GRID1: variants seen among roughly 807,000 people sequenced by gnomAD.
The protein encoded by GRID1 is glutamate receptor ionotropic, delta-1.
Under a neutral mutation model 98.0 loss-of-function variants are expected in GRID1, and 28 were observed. That is an observed-to-expected ratio of 0.29 (90% CI 0.21 to 0.39). The LOEUF (loss-of-function observed/expected upper bound fraction) is 0.39. Among genes scored for constraint, GRID1 ranks in the 10% least tolerant of loss-of-function variants. The probability of loss-of-function intolerance (pLI) is 1.00; values close to 1 mark genes in which losing one functional copy is unlikely to be tolerated. For synonymous variants in GRID1, 553 were observed against 538.5 expected, an observed-to-expected ratio of 1.03 and a Z score of -0.37; for missense variants, 1,111 against 1,340.5, an observed-to-expected ratio of 0.83 and a Z score of 2.67.
At chr10:86,201,423 C>T (rs890323862) in intron 3 of GRID1, among the ~76,000 whole-genome samples, 1 of 152,134 alleles carries the variant, frequency 6.6e-6, no homozygotes, top group Non-Finnish European at 1.5e-5. Context: ...CCAACTAACA[C>T]AGGAACAGAA....
chr10:86,067,276 G>A (rs1467235984), intron 4 of GRID1, among the ~76,000 whole-genome samples: 1 of 152,220 alleles, frequency 6.6e-6, no homozygotes, highest in Non-Finnish European at 1.5e-5. Flanking sequence ...TGGAGGGTTG[G>A]CCAATTAAAC....
chr10:85,886,726 A>G (rs1043844558), intron 5 of GRID1, among the ~76,000 whole-genome samples: 1 of 152,246 alleles, frequency 6.6e-6, no homozygotes, highest in Non-Finnish European at 1.5e-5. Flanking sequence ...AGCCACAAAT[A>G]AAATAGTAAG....
chr10:85,750,239 T>C (rs769442137), intron 8 of GRID1, among the ~76,000 whole-genome samples: 5 of 115,602 alleles, frequency 4.3e-5, no homozygotes, highest in African/African-American at 9.8e-5. Context: ...TACATGATCA[T>C]ACAGCGCTCT....
rs775963138 is a variant in GRID1 at position 85,613,628 on chromosome 10, T to C, written c.2380A>G (p.Thr794Ala). The part of the protein sequence containing the change: ...FSQRILELQD[T>A]GDLDVLKQKW... ...TGCTTCAGCACATCCAGGTCCCCTG[T>C]GTCCTGCAGCTCCAGGATCCTGTAA... is the stretch of plus-strand genomic sequence containing the variant. Residue 794 changes from threonine to alanine, a missense_variant, in exon 15 of 16, where the codon ACA becomes GCA. By Grantham distance (58) the Thr-to-Ala change is moderately conservative. Around this residue, in one of 3 missense-constraint regions of GRID1, gnomAD observed 762 missense variants for 869.1 expected, o/e 0.88. Transcript: ENST00000327946. 12 of 1,613,748 alleles carry C rather than the reference T, an allele frequency of 7.4e-6. No individual in the cohort carries two copies. The African/African-American group carries it at 1.6e-4, about 22-fold the overall frequency.
chr10:86,233,564 C>T lies in GRID1; in HGVS notation c.236-26916G>A, dbSNP rs77083918. Among the ~76,000 whole-genome samples the T allele has an allele frequency of 4.1e-3, 619 of 152,270 alleles. 3 individuals are homozygous for T. Among genetic ancestry groups the T allele is most frequent in the Middle Eastern group, 0.01 (3 of 294 alleles). On this transcript the variant is annotated intron_variant, in intron 2 of 15. Transcript: ENST00000327946. Reference sequence around the variant, plus strand: ...CGGAGGGGATGGCCCACTCCCCACCCTAGGGTAGCTCACAGCCAACATCAG... The same window carrying T: ...CGGAGGGGATGGCCCACTCCCCACCTTAGGGTAGCTCACAGCCAACATCAG...
chr10:86,220,932 T>C (rs1343337091), intron 2 of GRID1, among the ~76,000 whole-genome samples: 1 of 152,182 alleles, frequency 6.6e-6, no homozygotes, highest in African/African-American at 2.4e-5. Context: ...GATGGAAAAG[T>C]GGATACAGGT....
chr10:86,003,388 C>T (rs948218523), intron 4 of GRID1, among the ~76,000 whole-genome samples: 1 of 152,252 alleles, frequency 6.6e-6, no homozygotes, highest in African/African-American at 2.4e-5. Flanking sequence ...GTCCTAAGAA[C>T]ATGTCAGCTT....
At chr10:86,288,280 C>T (rs1181752189) in intron 2 of GRID1, among the ~76,000 whole-genome samples, 1 of 152,212 alleles carries the variant, frequency 6.6e-6, no homozygotes, top group Non-Finnish European at 1.5e-5. Context: ...AGCGTTCAGG[C>T]ATGGCTGACC....
intron 5 of GRID1, among the ~76,000 whole-genome samples, chr10:85,884,122 T>C (rs1438381178): frequency 6.6e-6 from 1 of 152,198 alleles, no homozygotes; most frequent in African/African-American, 2.4e-5. Context: ...TATTACCACT[T>C]TACATTTGGC....
At chr10:86,222,396 G>C (rs1846269957) in intron 2 of GRID1, among the ~76,000 whole-genome samples, 1 of 152,198 alleles carries the variant, frequency 6.6e-6, no homozygotes, top group African/African-American at 2.4e-5. Flanking sequence ...AGCCTTGAGG[G>C]ACTCGGTGCC....
At chr10:85,610,892 G>T (rs1413938112) in intron 15 of GRID1, among the ~76,000 whole-genome samples, 1 of 152,218 alleles carries the variant, frequency 6.6e-6, no homozygotes, top group Non-Finnish European at 1.5e-5. Context: ...GGGGTTGGAG[G>T]ACAGGCAGCT....
intron 12 of GRID1, among the ~76,000 whole-genome samples, chr10:85,696,781 T>C (rs1322513444): frequency 6.6e-6 from 1 of 152,072 alleles, no homozygotes; most frequent in Non-Finnish European, 1.5e-5. Context: ...ATATAGGCAT[T>C]TAAAGCTATA....
chr10:86,199,075 C>T (rs941293440), intron 3 of GRID1, among the ~76,000 whole-genome samples: 1 of 152,088 alleles, frequency 6.6e-6, no homozygotes. Context: ...TGATGCAAAA[C>T]TCAAAAAGTA....
intron 2 of GRID1, among the ~76,000 whole-genome samples, chr10:86,349,945 C>T (rs751131614): frequency 1.3e-5 from 2 of 152,150 alleles, no homozygotes; most frequent in Admixed American, 6.5e-5. Context: ...AGGACGCCTA[C>T]AAAGAAGGAA....
At chr10:86,096,252 A>C (rs1564673741) in intron 4 of GRID1, among the ~76,000 whole-genome samples, 1 of 152,198 alleles carries the variant, frequency 6.6e-6, no homozygotes, top group Non-Finnish European at 1.5e-5. Context: ...CAGTGTATAC[A>C]TGGATGATGG....
intron 2 of GRID1, among the ~76,000 whole-genome samples, chr10:86,312,703 T>C (rs1847847807): frequency 6.6e-6 from 1 of 152,184 alleles, no homozygotes; most frequent in Non-Finnish European, 1.5e-5. Context: ...GACTGAGCCT[T>C]TTATAAACTA....
intron 2 of GRID1, among the ~76,000 whole-genome samples, chr10:86,228,631 C>A (rs948153189): frequency 9.9e-5 from 15 of 152,058 alleles, no homozygotes; most frequent in Admixed American, 5.2e-4. Context: ...TCCACCAAGG[C>A]CAGCAGAAAA....
intron 3 of GRID1, among the ~76,000 whole-genome samples, chr10:86,197,349 G>A (rs1845890302): frequency 6.6e-6 from 1 of 152,078 alleles, no homozygotes; most frequent in African/African-American, 2.4e-5. Context: ...AGGAGCCGGA[G>A]CTGGAAGGCA....
At chr10:86,155,883 G>T (rs1845237348) in intron 3 of GRID1, among the ~76,000 whole-genome samples, 1 of 152,160 alleles carries the variant, frequency 6.6e-6, no homozygotes, top group South Asian at 2.1e-4. Context: ...GAGGAGGATG[G>T]GAAGGCAGGG....
Sources: allele counts gnomAD v4.1 joint callset (sites outside exome capture counted in the v4.1 genomes callset), GRCh38; gene constraint gnomAD v4.1.1; regional missense constraint gnomAD v4.1.1; transcripts MANE v1.5; gene names NCBI Gene and HGNC (gene_info 2026-07-23, HGNC 2026-07-21).